The following PCDHGB5 variants were observed in gnomAD, a reference collection of about 807,000 sequenced individuals.
PCDHGB5 encodes the protein protocadherin gamma-B5.
In PCDHGB5, 48 loss-of-function variants were observed where a neutral mutation model predicts 62.9. That is an observed-to-expected ratio of 0.76 (90% CI 0.61 to 0.97). PCDHGB5 has a LOEUF of 0.97. Ranked by LOEUF, PCDHGB5 falls within the 50% of genes least tolerant of loss-of-function variation. The pLI, the probability that PCDHGB5 is intolerant of heterozygous loss-of-function variation, is 0.00. For missense variants in PCDHGB5, 1,118 were observed against 1,198.6 expected (o/e 0.93, Z 0.99); for synonymous variants, 474 against 511.2 (o/e 0.93, Z 0.98).
intron 1 of PCDHGB5, chr5:141,413,404 C>T: frequency 6.2e-7 from 1 of 1,614,046 alleles, no homozygotes; most frequent in Non-Finnish European, 8.5e-7. Context: ...AGGTAGGACG[C>T]AGCTTTTCTC....
At chr5:141,460,159 T>A (rs1313260289) in intron 1 of PCDHGB5, among the ~76,000 whole-genome samples, 3 of 152,260 alleles carry the variant, frequency 2.0e-5, no homozygotes, top group Non-Finnish European at 1.5e-5. Context: ...CTTTGTCACA[T>A]ACATATTTTG....
intron 1 of PCDHGB5, among the ~76,000 whole-genome samples, chr5:141,479,998 G>A (rs2099511091): frequency 6.6e-6 from 1 of 152,272 alleles, no homozygotes; most frequent in South Asian, 2.1e-4. Flanking sequence ...AGGAGTCTGT[G>A]GCCAAGTTAC....
chr5:141,499,401 C>A lies in PCDHGB5; in HGVS notation c.2456+4536C>A, dbSNP rs115575614. ...TTCCACTTATAAAATAGTACATGCTCATTATAGAAACATGAAAAATAGAAA... is the reference window on the plus strand; with the variant it reads ...TTCCACTTATAAAATAGTACATGCTAATTATAGAAACATGAAAAATAGAAA... On this transcript the variant is annotated intron_variant, in intron 2 of 3. Coordinates refer to ENST00000617380, the MANE Select transcript of PCDHGB5 (RefSeq NM_018925.3). Among the ~76,000 whole-genome samples, 871 of 152,186 alleles carry A rather than the reference C, an allele frequency of 5.7e-3. 5 individuals are homozygous for A. Among genetic ancestry groups the A allele is most frequent in the African/African-American group, 0.02 (847 of 41,502 alleles).
chr5:141,413,904 G>T (rs1230344912), intron 1 of PCDHGB5: 3 of 1,613,160 alleles, frequency 1.9e-6, no homozygotes, highest in East Asian at 2.2e-5. Context: ...ATGACAACGC[G>T]CCGGTCTTCA....
chr5:141,486,253 C>G lies in PCDHGB5; in HGVS notation c.2398-8554C>G. On this transcript the variant is annotated intron_variant, in intron 1 of 3. Coordinates refer to ENST00000617380, the MANE Select transcript of PCDHGB5 (RefSeq NM_018925.3). The surrounding 1 kb of genome is among the most constrained non-coding windows in gnomAD (Gnocchi z 5.0). Reference sequence around the variant, plus strand: ...TGACCTCAGAGCTTGGAACCCTCCCCGAGAGTGCAGAACCTGGCACTGTGG... The same window carrying G: ...TGACCTCAGAGCTTGGAACCCTCCCGGAGAGTGCAGAACCTGGCACTGTGG... The G allele has an allele frequency of 6.2e-7, 1 of 1,614,138 alleles. No homozygotes were observed. Among genetic ancestry groups the G allele is most frequent in the East Asian group, 2.2e-5 (1 of 44,866 alleles).
Position 141,447,434 on chromosome 5 carries a change from G to A in PCDHGB5, c.2397+46910G>A, listed in dbSNP as rs114249648. ...ATTACAGGCGTGAGCCACCGCACCC[G>A]GAGGAAATTTTTAACCTCAGTTTTT... On this transcript the variant is annotated intron_variant, in intron 1 of 3. Transcript: ENST00000617380. 2.8e-3 allele frequency among the ~76,000 whole-genome samples: 425 copies of A among 152,164 alleles called. 1 individual carries two copies. The highest frequency in any genetic ancestry group is 9.5e-3 in the African/African-American group (394 of 41,546).
At position 141,431,636 on chromosome 5, in the gene PCDHGB5, A is replaced by C; in HGVS notation, c.2397+31112A>C. 1 of 1,614,254 alleles carries C rather than the reference A, an allele frequency of 6.2e-7. No individual in the cohort carries two copies. On this transcript the variant is annotated intron_variant, in intron 1 of 3. Transcript: ENST00000617380. This position sits in a 1 kb window ranked among gnomAD's most constrained non-coding sequence, Gnocchi z 4.8. ...GGACGACAAGGCGGCCCAAGTTTTC[A>C]AACTAGATTGTAATTCAGGGACAAT... is the stretch of plus-strand genomic sequence containing the variant.
At chr5:141,500,488 C>A (rs569168291) in intron 2 of PCDHGB5, among the ~76,000 whole-genome samples, 2 of 152,060 alleles carry the variant, frequency 1.3e-5, no homozygotes, top group East Asian at 3.9e-4. Flanking sequence ...GGATTACAGG[C>A]GTGAGCCACC....
chr5:141,497,740 C>G (rs954595046), intron 2 of PCDHGB5, among the ~76,000 whole-genome samples: 9 of 152,054 alleles, frequency 5.9e-5, no homozygotes, highest in African/African-American at 2.2e-4. Context: ...GGTTTCGCCA[C>G]GTTGGCCAGG....
In PCDHGB5 at chr5:141,477,533, G is replaced by C. The variant is rs780541121; in HGVS notation, c.2398-17274G>C. On this transcript the variant is annotated intron_variant, in intron 1 of 3. Transcript: ENST00000617380. This position sits in a 1 kb window ranked among gnomAD's most constrained non-coding sequence, Gnocchi z 4.9. ...TTACATTGAAGAAAACAACCTCCCC[G>C]GGGCTCCAATACTAAACCTAAGTGT... The C allele has an allele frequency of 6.2e-7, 1 of 1,613,892 alleles. No individual in the cohort carries two copies. The highest frequency in any genetic ancestry group is 1.3e-5 in the African/African-American group (1 of 74,852).
Position 141,398,657 on chromosome 5 carries a change from G to C in PCDHGB5, c.530G>C (p.Ser177Thr). ...AAGTATAAACTCTCTCTTAACCCAA[G>C]TTTCTCATTAATAATTAAGGAGAAA... ...LQKYKLSLNP[S>T]FSLIIKEKQD... The change falls in exon 1 of 4, where the codon AGT becomes ACT. Residue 177 changes from serine (S) to threonine (T), a missense_variant. Ser to Thr is a moderately conservative substitution (Grantham distance 58). This residue lies in a region of PCDHGB5 where 1,034 missense variants were observed against 1,029.1 expected (regional missense o/e 1.00). Transcript: ENST00000617380. The C allele has an allele frequency of 6.2e-7, 1 of 1,614,018 alleles. No homozygotes were observed. Among genetic ancestry groups the C allele is most frequent in the African/African-American group, 1.3e-5 (1 of 75,048 alleles).
Position 141,431,633 on chromosome 5 carries a change from T to A in PCDHGB5, c.2397+31109T>A. ...TGTGGACGACAAGGCGGCCCAAGTT[T>A]TCAAACTAGATTGTAATTCAGGGAC... On this transcript the variant is annotated intron_variant, in intron 1 of 3. Coordinates refer to ENST00000617380, the MANE Select transcript of PCDHGB5 (RefSeq NM_018925.3). The surrounding 1 kb of genome is among the most constrained non-coding windows in gnomAD (Gnocchi z 4.8). 1 of 1,614,240 alleles carries A rather than the reference T, an allele frequency of 6.2e-7. No individual in the cohort carries two copies. The highest frequency in any genetic ancestry group is 8.5e-7 in the Non-Finnish European group (1 of 1,180,048).
At position 141,486,637 on chromosome 5, in the gene PCDHGB5, G is replaced by C. The variant is rs761072169; in HGVS notation, c.2398-8170G>C. 28 of 1,613,638 alleles carry C rather than the reference G, an allele frequency of 1.7e-5. No homozygotes were observed. The highest frequency in any genetic ancestry group is 1.1e-5 in the Non-Finnish European group (13 of 1,180,034). ...CTGACCCAGACTCTGGCTTGAATGC[G>C]CTTATCTCCTACTCACTCCTGGAGC... On this transcript the variant is annotated intron_variant, in intron 1 of 3. Transcript: ENST00000617380. This position sits in a 1 kb window ranked among gnomAD's most constrained non-coding sequence, Gnocchi z 5.0.
At chr5:141,499,698 T>C (rs1312388510) in intron 2 of PCDHGB5, among the ~76,000 whole-genome samples, 2 of 149,810 alleles carry the variant, frequency 1.3e-5, no homozygotes, top group African/African-American at 2.5e-5. Context: ...ACTTTTTTTT[T>C]TTTTTTTTTT....
At chr5:141,508,244 C>A (rs1278674173) in intron 3 of PCDHGB5, 1 of 152,314 alleles carries the variant, frequency 6.6e-6, no homozygotes, top group Non-Finnish European at 1.5e-5. Context: ...CTAAGTCTGC[C>A]TCTCCTGGGA....
chr5:141,412,975 C>G (rs1221821871), intron 1 of PCDHGB5: 3 of 532,642 alleles, frequency 5.6e-6, no homozygotes, highest in Non-Finnish European at 9.7e-6. Flanking sequence ...AGAGAAAACG[C>G]AGCCAGAGCT....
intron 1 of PCDHGB5, among the ~76,000 whole-genome samples, chr5:141,425,114 T>A (rs537694464): frequency 5.9e-5 from 9 of 152,326 alleles, no homozygotes; most frequent in African/African-American, 2.2e-4. Context: ...TGCCTACATT[T>A]TTCTTGAAGT....
In PCDHGB5 at chr5:141,428,860, CTT is replaced by C. The variant is rs34152666; in HGVS notation, c.2397+28348_2397+28349del. On this transcript the variant is annotated intron_variant, in intron 1 of 3. Transcript: ENST00000617380. The stretch of plus-strand genomic sequence containing the variant: ...ACATTTTCACCATTTTTACGGGAGA[CTT>C]TTTTTTTTTTTGGACGGAGTCTCGC... The C allele has an allele frequency of 7.4e-3, 1,070 of 145,506 alleles. 4 individuals carry two copies. Among genetic ancestry groups the C allele is most frequent in the South Asian group, 0.018 (82 of 4,566 alleles). 9.0% of individuals were successfully genotyped at this position (145,506 alleles called of 1,614,324 possible).
At chr5:141,478,338 C>T in intron 1 of PCDHGB5, 2 of 1,613,936 alleles carry the variant, frequency 1.2e-6, no homozygotes, top group South Asian at 1.1e-5. Flanking sequence ...CCAGGGCCCT[C>T]CTTGCACGCG....
Sources: allele counts gnomAD v4.1 joint callset (sites outside exome capture counted in the v4.1 genomes callset), GRCh38; gene constraint gnomAD v4.1.1; regional missense constraint gnomAD v4.1.1; non-coding constraint Gnocchi (gnomAD v3.1); transcripts MANE v1.5; gene names NCBI Gene and HGNC (gene_info 2026-07-23, HGNC 2026-07-21).